Variants in NT5DC1 observed in about 807,000 individuals in gnomAD.
NT5DC1 encodes the protein 5'-nucleotidase domain-containing protein 1.
In NT5DC1, 42 loss-of-function variants were observed where a neutral mutation model predicts 59.4. That is an observed-to-expected ratio of 0.71 (90% CI 0.55 to 0.92). NT5DC1 has a LOEUF of 0.92. Among genes scored for constraint, NT5DC1 ranks in the 40% least tolerant of loss-of-function variants. NT5DC1 has a pLI of 0.00. For synonymous variants in NT5DC1, 172 were observed against 188.1 expected, an observed-to-expected ratio of 0.91 and a Z score of 0.70; for missense variants, 501 against 537.1, an observed-to-expected ratio of 0.93 and a Z score of 0.66.
At chr6:116,147,011 A>G (rs181461168) in intron 6 of NT5DC1, among the ~76,000 whole-genome samples, 1 of 148,512 alleles carries the variant, frequency 6.7e-6, no homozygotes, top group East Asian at 1.9e-4. Flanking sequence ...ATATATATAT[A>G]TATTTTTAAT....
At position 116,237,020 on chromosome 6, in the gene NT5DC1, C is replaced by T. The variant is rs1038121648; in HGVS notation, c.857C>T (p.Ser286Phe). The change falls in exon 9 of 12, where the codon TCC (serine) becomes TTC (phenylalanine). Residue 286 changes from serine (S) to phenylalanine (F), a missense_variant. Physicochemically the swap from Ser to Phe is radical, Grantham distance 155. Transcript: ENST00000319550. ...LPSLDKPGWYSQGNAVHLYEL... is the reference protein window; with the variant it reads ...LPSLDKPGWYFQGNAVHLYEL... ...TCTCTGGATAAACCTGGCTGGTACT[C>T]CCAAGGGAACGCTGTCCACCTCTAT... is the stretch of plus-strand genomic sequence containing the variant. 1.2e-6 allele frequency: 2 copies of T among 1,613,232 alleles called. No homozygotes were observed. The highest frequency in any genetic ancestry group is 1.3e-5 in the African/African-American group (1 of 75,012).
At chr6:116,241,493 A>G (rs1029669856) in intron 11 of NT5DC1, among the ~76,000 whole-genome samples, 7 of 152,282 alleles carry the variant, frequency 4.6e-5, no homozygotes, top group African/African-American at 1.7e-4. Flanking sequence ...GACTATGTTC[A>G]GTATTGATGT....
Position 116,120,339 on chromosome 6 carries a change from T to C in NT5DC1, c.529+2394T>C, listed in dbSNP as rs1264254835. The C allele has an allele frequency of 1.2e-5, 20 of 1,614,138 alleles. No individual in the cohort carries two copies. Among genetic ancestry groups the C allele is most frequent in the Non-Finnish European group, 1.6e-5 (19 of 1,180,050 alleles). Reference sequence around the variant, plus strand: ...TATGAAAAATAGTATATTCCTGGTATCTGACAAGTAAAGATTCCAGTCCTT... The same window carrying C: ...TATGAAAAATAGTATATTCCTGGTACCTGACAAGTAAAGATTCCAGTCCTT... On this transcript the variant is annotated intron_variant, in intron 6 of 11. Coordinates refer to ENST00000319550, the MANE Select transcript of NT5DC1 (RefSeq NM_152729.3).
At chr6:116,220,122 C>CTTTTTT (rs60827021) in intron 6 of NT5DC1, among the ~76,000 whole-genome samples, 424 of 98,528 alleles carry the variant, frequency 4.3e-3, no homozygotes, top group Middle Eastern at 0.013. Context: ...GCTGTTTAAC[C>CTTTTTT]TTTTTTTTTT....
intron 3 of NT5DC1, 190 bp from the exon 4 acceptor site, chr6:116,110,660 G>A (rs1778856161): frequency 1.0e-5 from 7 of 671,022 alleles, no homozygotes; most frequent in Non-Finnish European, 1.9e-5. Context: ...GGATTAAAGC[G>A]GGTAAGTGCT....
At chr6:116,115,005 G>A (rs1024790945) in intron 4 of NT5DC1, among the ~76,000 whole-genome samples, 3 of 152,196 alleles carry the variant, frequency 2.0e-5, no homozygotes, top group African/African-American at 7.2e-5. Context: ...TGTGACATGG[G>A]TCATCAAAAG....
intron 6 of NT5DC1, among the ~76,000 whole-genome samples, chr6:116,189,942 AG>A (rs1781079217): frequency 6.6e-6 from 1 of 152,040 alleles, no homozygotes; most frequent in Non-Finnish European, 1.5e-5. Flanking sequence ...TCAATAAAGA[AG>A]TAAATGTTTG....
intron 6 of NT5DC1, among the ~76,000 whole-genome samples, chr6:116,204,376 C>G: frequency 6.6e-6 from 1 of 151,968 alleles, no homozygotes; most frequent in East Asian, 1.9e-4. Context: ...AAAAGATGCA[C>G]TACCTAATTA....
At chr6:116,145,392 T>A in intron 6 of NT5DC1, 1 of 335,462 alleles carries the variant, frequency 3.0e-6, no homozygotes, top group South Asian at 2.4e-5. Flanking sequence ...GAAGAAATGC[T>A]GATTTTCAAA....
At chr6:116,157,273 T>G (rs937754373) in intron 6 of NT5DC1, among the ~76,000 whole-genome samples, 16 of 152,200 alleles carry the variant, frequency 1.1e-4, no homozygotes, top group African/African-American at 3.4e-4. Context: ...GCTCTGAGTT[T>G]CTGTAAAAAT....
chr6:116,113,705 C>T (rs1778919271), intron 4 of NT5DC1, among the ~76,000 whole-genome samples: 1 of 152,150 alleles, frequency 6.6e-6, no homozygotes, highest in Non-Finnish European at 1.5e-5. Flanking sequence ...TCATTAGGTT[C>T]CCCCTGAATT....
intron 8 of NT5DC1, among the ~76,000 whole-genome samples, chr6:116,228,862 T>G (rs1404211563): frequency 6.6e-6 from 1 of 152,204 alleles, no homozygotes; most frequent in African/African-American, 2.4e-5. Context: ...TTCCCTAACA[T>G]TCTGTATTTG....
intron 6 of NT5DC1, among the ~76,000 whole-genome samples, chr6:116,218,121 T>C (rs571495070): frequency 6.6e-6 from 1 of 152,326 alleles, no homozygotes; most frequent in East Asian, 1.9e-4. Context: ...AGAATAATTT[T>C]ATCTGATTAA....
intron 6 of NT5DC1, among the ~76,000 whole-genome samples, chr6:116,192,367 G>A (rs537548914): frequency 3.9e-5 from 6 of 152,014 alleles, no homozygotes; most frequent in African/African-American, 1.2e-4. Context: ...GGGTATACTC[G>A]AATATTCTTT....
intron 6 of NT5DC1, among the ~76,000 whole-genome samples, chr6:116,128,654 A>G (rs1322492797): frequency 1.3e-5 from 2 of 152,150 alleles, no homozygotes. Flanking sequence ...GGTGAATAAT[A>G]TATATTCTAT....
chr6:116,184,235 T>A (rs1780944764), intron 6 of NT5DC1, among the ~76,000 whole-genome samples: 1 of 152,120 alleles, frequency 6.6e-6, no homozygotes, highest in South Asian at 2.1e-4. Context: ...TATCCCTGCG[T>A]CCCTCATATG....
At chr6:116,183,308 G>A (rs540446210) in intron 6 of NT5DC1, among the ~76,000 whole-genome samples, 2 of 152,118 alleles carry the variant, frequency 1.3e-5, no homozygotes, top group African/African-American at 4.8e-5. Context: ...TGGGTAATGT[G>A]ATGCCTCCAG....
At chr6:116,161,820 G>A (rs1192896783) in intron 6 of NT5DC1, among the ~76,000 whole-genome samples, 7 of 152,294 alleles carry the variant, frequency 4.6e-5, no homozygotes, top group Admixed American at 3.9e-4. Context: ...GCTTTGGGCA[G>A]TATAGTCATT....
intron 6 of NT5DC1, among the ~76,000 whole-genome samples, chr6:116,180,848 T>A (rs1114228): frequency 0.51 from 77,366 of 151,912 alleles, 20,795 homozygotes; most frequent in African/African-American, 0.69. Context: ...TATCAACCAA[T>A]TGCAATTTGT....
Sources: gnomAD v4.1 joint callset for allele counts (sites outside exome capture counted in the v4.1 genomes callset) on GRCh38, gnomAD v4.1.1 for gene constraint, MANE v1.5 for transcripts, NCBI Gene and HGNC (gene_info 2026-07-23, HGNC 2026-07-21) for gene names.